CBX8: variants seen among roughly 807,000 people sequenced by gnomAD.
The protein encoded by CBX8 is chromobox protein homolog 8.
A neutral mutation model predicts 39.7 loss-of-function variants in CBX8; 8 were observed. That is an observed-to-expected ratio of 0.20 (90% CI 0.12 to 0.36). CBX8 has a LOEUF of 0.36. Ranked by LOEUF, CBX8 falls within the 10% of genes least tolerant of loss-of-function variation. The pLI is 1.00. For missense variants in CBX8, 505 were observed against 529.6 expected, an observed-to-expected ratio of 0.95 and a Z score of 0.46; for synonymous variants, 268 against 219.8, an observed-to-expected ratio of 1.22 and a Z score of -1.94.
Position 79,794,704 on chromosome 17 carries a change from G to A in CBX8, c.1101C>T (p.Thr367=). 1 of 1,601,444 alleles carries A rather than the reference G, an allele frequency of 6.2e-7. No individual in the cohort carries two copies. Among genetic ancestry groups the A allele is most frequent in the East Asian group, 2.2e-5 (1 of 44,844 alleles). ...NLEKVVVTDV[T]SNFLTVTIKE... ...TAATGGTGACGGTCAAAAAGTTTGA[G>A]GTCACGTCCGTGACCACCACCTTCT... is the stretch of plus-strand genomic sequence containing the variant. The change falls in exon 5 of 5, where the codon ACC becomes ACT. Residue 367 remains threonine, a synonymous_variant. Transcript: ENST00000269385.
Position 79,794,455 on chromosome 17 carries a change from T to C in CBX8, c.*180A>G, listed in dbSNP as rs1369672745. The C allele has an allele frequency of 4.1e-6, 2 of 489,584 alleles. No individual in the cohort carries two copies. Among genetic ancestry groups the C allele is most frequent in the Non-Finnish European group, 7.3e-6 (2 of 274,256 alleles). 30.3% of individuals were successfully genotyped at this position (489,584 alleles called of 1,614,324 possible). A position where few individuals can be genotyped will look rare whatever the true frequency, so the allele number is the denominator to read the frequency against. On this transcript the variant is annotated 3_prime_UTR_variant, in exon 5 of 5. Coordinates refer to ENST00000269385, the MANE Select transcript of CBX8 (RefSeq NM_020649.3). ...CTAATAGAAAATATAACTCTAGAGA[T>C]AATCTTTCCAACAAAAACTGAGGGG...
In CBX8 at chr17:79,795,054, C is replaced by T. The variant is rs777990002; in HGVS notation, c.751G>A (p.Ala251Thr). The T allele has an allele frequency of 3.1e-6, 5 of 1,607,632 alleles. No individual in the cohort carries two copies. The highest frequency in any genetic ancestry group is 3.4e-6 in the Non-Finnish European group (4 of 1,176,872). ...ACCAGGTCCGAGTCCTGTCTTCGGG[C>T]CAGCTGGATCACACTGTGGCCGGCT... is the stretch of plus-strand genomic sequence containing the variant. ...FPAGHSVIQL[A>T]RRQDSDLVQC... The change falls in exon 5 of 5, where the codon GCC becomes ACC. Residue 251 changes from alanine to threonine, a missense_variant. Around this residue, in one of 3 missense-constraint regions of CBX8, gnomAD observed 456 missense variants for 389.2 expected, o/e 1.17. Coordinates refer to ENST00000269385, the MANE Select transcript of CBX8 (RefSeq NM_020649.3). The surrounding 1 kb of genome is among the most constrained non-coding windows in gnomAD (Gnocchi z 5.8).
At position 79,794,851 on chromosome 17, in the gene CBX8, C is replaced by A. The variant is rs530952829; in HGVS notation, c.954G>T (p.Gly318=). 1.9e-6 allele frequency: 3 copies of A among 1,608,692 alleles called. No homozygotes were observed. The highest frequency in any genetic ancestry group is 3.4e-5 in the Admixed American group (2 of 58,988). The stretch of plus-strand genomic sequence containing the variant: ...GGGCCCCCATGTCCCGGTACAGGCC[C>A]CCCCCAGAGCTGGGGGGGCCTGAGC... The part of the protein sequence containing the change: ...RHGSGPPSSG[G]GLYRDMGAQG... Residue 318 remains glycine (G), a synonymous_variant, in exon 5 of 5, where the codon GGG becomes GGT. Coordinates refer to ENST00000269385, the MANE Select transcript of CBX8 (RefSeq NM_020649.3).
In CBX8 at chr17:79,796,616, T is replaced by C. The variant is rs368183779; in HGVS notation, c.70-76A>G. 29 of 1,514,460 alleles carry C rather than the reference T, an allele frequency of 1.9e-5. No individual in the cohort carries two copies. In the African/African-American group the frequency reaches 3.7e-4, roughly 19 times the overall value. 93.8% of individuals were successfully genotyped at this position (1,514,460 alleles called of 1,614,324 possible). A position where few individuals can be genotyped will look rare whatever the true frequency, so the allele number is the denominator to read the frequency against. ...AGGATACAAGAAATGCATGCGAAAA[T>C]GCATGCACCAGATGAATGCTCGAAA... On this transcript the variant is annotated intron_variant, in intron 1 of 4. Transcript: ENST00000269385.
Position 79,795,881 on chromosome 17 carries a change from C to A in CBX8, c.246+176G>T, listed in dbSNP as rs1293732916. Among the ~76,000 whole-genome samples, 3 of 152,108 alleles carry A rather than the reference C, an allele frequency of 2.0e-5. No homozygotes were observed. The highest frequency in any genetic ancestry group is 6.5e-5 in the Admixed American group (1 of 15,276). ...GGAATTCTAGTGTGGCCAAGCCCGT[C>A]CCCCCAGACACAGTTGGTGCTGCTA... On this transcript the variant is annotated intron_variant, in intron 4 of 4. Transcript: ENST00000269385. The surrounding 1 kb of genome is among the most constrained non-coding windows in gnomAD (Gnocchi z 5.8).
At position 79,793,850 on chromosome 17, in the gene CBX8, G is replaced by A. The variant is rs898265670; in HGVS notation, c.*785C>T. The A allele has an allele frequency of 2.6e-5, 4 of 152,048 alleles. No homozygotes were observed. Among genetic ancestry groups the A allele is most frequent in the Admixed American group, 1.3e-4 (2 of 15,270 alleles). 9.4% of individuals were successfully genotyped at this position (152,048 alleles called of 1,614,324 possible). On this transcript the variant is annotated 3_prime_UTR_variant, in exon 5 of 5. Coordinates refer to ENST00000269385, the MANE Select transcript of CBX8 (RefSeq NM_020649.3). Reference sequence around the variant, plus strand: ...GGAGTAAGGAAAGGAACGAGGGAACGGGGAGATTTTATCCACATGACATAC... The same window carrying A: ...GGAGTAAGGAAAGGAACGAGGGAACAGGGAGATTTTATCCACATGACATAC...
chr17:79,794,975 A>G lies in CBX8; in HGVS notation c.830T>C (p.Val277Ala). 1 of 1,605,402 alleles carries G rather than the reference A, an allele frequency of 6.2e-7. No individual in the cohort carries two copies. Among genetic ancestry groups the G allele is most frequent in the Non-Finnish European group, 8.5e-7 (1 of 1,175,362 alleles). Residue 277 changes from valine to alanine, a missense_variant, in exon 5 of 5, where the codon GTG (valine) becomes GCG (alanine). Val to Ala is a moderately conservative substitution (Grantham distance 64). Around this residue, in one of 3 missense-constraint regions of CBX8, gnomAD observed 456 missense variants for 389.2 expected, o/e 1.17. Transcript: ENST00000269385. Reference sequence around the variant, plus strand: ...TATCACCCTGGCCGGGAAGGTGTCCACAGCCAGTTTGCCCGTGGCCTCAGC... The same window carrying G: ...TATCACCCTGGCCGGGAAGGTGTCCGCAGCCAGTTTGCCCGTGGCCTCAGC... ...SSAEATGKLA[V>A]DTFPARVIKH...
Position 79,795,321 on chromosome 17 carries a change from G to T in CBX8, c.484C>A (p.Arg162=), listed in dbSNP as rs1478271889. ...CTCTCTCGCTCCCTCTCCCTTTCTC[G>T]ATCCCGCTCCCGGTCCCTATCCCGG... ...RDRDRDRERD[R]ERERERERER... The change falls in exon 5 of 5, where the codon CGA becomes AGA. Residue 162 remains arginine, a synonymous_variant. Transcript: ENST00000269385. This position sits in a 1 kb window ranked among gnomAD's most constrained non-coding sequence, Gnocchi z 5.8. 1 of 1,585,232 alleles carries T rather than the reference G, an allele frequency of 6.3e-7. No homozygotes were observed. The highest frequency in any genetic ancestry group is 8.6e-7 in the Non-Finnish European group (1 of 1,165,416).
rs147538157 is a variant in CBX8 at position 79,795,185 on chromosome 17, A to T, written c.620T>A (p.Leu207His). 7 of 1,613,268 alleles carry T rather than the reference A, an allele frequency of 4.3e-6. No individual in the cohort carries two copies. Among genetic ancestry groups the T allele is most frequent in the Non-Finnish European group, 5.9e-6 (7 of 1,179,848 alleles). ...TAAGGGCCTCTGTGAGGGGTCCGGG[A>T]GCTCCTTCCGGGGCTTGGGGCCTCG... ...KKRGPKPRKE[L>H]PDPSQRPLGE... The change falls in exon 5 of 5, where the codon CTC (leucine) becomes CAC (histidine). Residue 207 changes from leucine to histidine, a missense_variant. Physicochemically the swap from Leu to His is moderately conservative, Grantham distance 99. This residue lies in a region of CBX8 where 456 missense variants were observed against 389.2 expected (regional missense o/e 1.17). Transcript: ENST00000269385. This position sits in a 1 kb window ranked among gnomAD's most constrained non-coding sequence, Gnocchi z 5.8.
Position 79,793,809 on chromosome 17 carries a change from T to A in CBX8, c.*826A>T, listed in dbSNP as rs1266336985. ...CGGGAATGTAAACAGATTCGCTGGA[T>A]TTCTTTTCTTTCTGCGGAGTAAGGA... On this transcript the variant is annotated 3_prime_UTR_variant, in exon 5 of 5. Coordinates refer to ENST00000269385, the MANE Select transcript of CBX8 (RefSeq NM_020649.3). The A allele has an allele frequency of 6.6e-6, 1 of 152,254 alleles. No individual in the cohort carries two copies. Among genetic ancestry groups the A allele is most frequent in the Admixed American group, 6.5e-5 (1 of 15,290 alleles). 9.4% of individuals were successfully genotyped at this position (152,254 alleles called of 1,614,324 possible).
At position 79,796,502 on chromosome 17, in the gene CBX8, C is replaced by G. The variant is rs1165655836; in HGVS notation, c.108G>C (p.Ser36=). Reference sequence around the variant, plus strand: ...ATTGCATATAACCTACTTACTTCTGCGACCATCCCTTCCATTTCACGAGGT... The same window carrying G: ...ATTGCATATAACCTACTTACTTCTGGGACCATCCCTTCCATTTCACGAGGT... ...MEYLVKWKGW[S]QKYSTWEPEE... is the part of the protein sequence containing the mutation. The change falls in exon 2 of 5, where the codon TCG becomes TCC. Residue 36 remains serine, a synonymous_variant. Transcript: ENST00000269385. The G allele has an allele frequency of 6.2e-7, 1 of 1,614,182 alleles. No homozygotes were observed. The highest frequency in any genetic ancestry group is 1.7e-5 in the Admixed American group (1 of 60,028).
intron 2 of CBX8, 76 bp from the exon 3 acceptor site, chr17:79,796,391 C>G: frequency 6.4e-7 from 1 of 1,551,570 alleles, no homozygotes; most frequent in South Asian, 1.1e-5. Context: ...GTGTGTGTAA[C>G]TTTTCTCATT....
At chr17:79,796,449 C>A (rs1235774668) in intron 2 of CBX8, 48 bp downstream of exon 2, 16 of 1,612,224 alleles carry the variant, frequency 9.9e-6, no homozygotes, top group Admixed American at 8.3e-5. Context: ...AAGAAAGAAA[C>A]CTCCCGAATA....
In CBX8 at chr17:79,795,073, G is replaced by A; in HGVS notation, c.732C>T (p.Gly244=). The A allele has an allele frequency of 6.2e-7, 1 of 1,609,500 alleles. No homozygotes were observed. Among genetic ancestry groups the A allele is most frequent in the Non-Finnish European group, 8.5e-7 (1 of 1,177,954 alleles). The change falls in exon 5 of 5, where the codon GGC becomes GGT. Residue 244 remains glycine, a synonymous_variant. Coordinates refer to ENST00000269385, the MANE Select transcript of CBX8 (RefSeq NM_020649.3). The surrounding 1 kb of genome is among the most constrained non-coding windows in gnomAD (Gnocchi z 5.8). ...TTCGGGCCAGCTGGATCACACTGTG[G>A]CCGGCTGGAAACTTTCCTGCCCCGG... ...TPSGAGKFPA[G]HSVIQLARRQ... is the part of the protein sequence containing the mutation.
In CBX8 at chr17:79,794,091, CCCT is replaced by C. The variant is rs1598234474; in HGVS notation, c.*541_*543del. On this transcript the variant is annotated 3_prime_UTR_variant, in exon 5 of 5. Transcript: ENST00000269385. ...AAGGAAAACAGACTGACCCCACCCC[CCCT>C]TTTTTCTGATTGGGGAGCCAACCTT... 1.3e-5 allele frequency: 2 copies of C among 152,248 alleles called. No homozygotes were observed. Among genetic ancestry groups the C allele is most frequent in the East Asian group, 3.9e-4 (2 of 5,184 alleles). 9.4% of individuals were successfully genotyped at this position (152,248 alleles called of 1,614,324 possible). A position where few individuals can be genotyped will look rare whatever the true frequency, so the allele number is the denominator to read the frequency against.
Position 79,795,133 on chromosome 17 carries a change from C to G in CBX8, c.672G>C (p.Glu224Asp), listed in dbSNP as rs1481876157. ...CGTCCAGCTTCCTGCCCTTGAGGTA[C>G]TCTCCGAGGCCGGCGCTGGGTTCGC... ...PLGEPSAGLG[E>D]YLKGRKLDDT... Residue 224 changes from glutamate (E) to aspartate (D), a missense_variant, in exon 5 of 5, where the codon GAG becomes GAC. Around this residue, in one of 3 missense-constraint regions of CBX8, gnomAD observed 456 missense variants for 389.2 expected, o/e 1.17. Coordinates refer to ENST00000269385, the MANE Select transcript of CBX8 (RefSeq NM_020649.3). The surrounding 1 kb of genome is among the most constrained non-coding windows in gnomAD (Gnocchi z 5.8). 6.2e-7 allele frequency: 1 copy of G among 1,613,648 alleles called. No individual in the cohort carries two copies. Among genetic ancestry groups the G allele is most frequent in the Non-Finnish European group, 8.5e-7 (1 of 1,179,876 alleles).
At position 79,795,322 on chromosome 17, in the gene CBX8, A is replaced by C; in HGVS notation, c.483T>G (p.Asp161Glu). The change falls in exon 5 of 5, where the codon GAT becomes GAG. Residue 161 changes from aspartate to glutamate, a missense_variant. By Grantham distance (45) the Asp-to-Glu change is conservative. Around this residue, in one of 3 missense-constraint regions of CBX8, gnomAD observed 456 missense variants for 389.2 expected, o/e 1.17. Transcript: ENST00000269385. The surrounding 1 kb of genome is among the most constrained non-coding windows in gnomAD (Gnocchi z 5.8). ...TCTCTCGCTCCCTCTCCCTTTCTCG[A>C]TCCCGCTCCCGGTCCCTATCCCGGT... ...DRDRDRDRER[D>E]RERERERERE... is the part of the protein sequence containing the mutation. 6.3e-7 allele frequency: 1 copy of C among 1,580,830 alleles called. No homozygotes were observed. The highest frequency in any genetic ancestry group is 8.6e-7 in the Non-Finnish European group (1 of 1,162,274).
intron 2 of CBX8, 53 bp from the exon 3 acceptor site, chr17:79,796,368 A>T: frequency 6.3e-7 from 1 of 1,595,664 alleles, no homozygotes; most frequent in Non-Finnish European, 8.6e-7. Flanking sequence ...GGGTGAGAGC[A>T]GAGGGGGTGT....
chr17:79,796,854 T>G, intron 1 of CBX8, 76 bp downstream of exon 1: 1 of 1,355,414 alleles, frequency 7.4e-7, no homozygotes, highest in Non-Finnish European at 1.0e-6. Context: ...GAAGCTGGGC[T>G]GCAGCAGGGG....
Sources: gnomAD v4.1 joint callset for allele counts (sites outside exome capture counted in the v4.1 genomes callset) on GRCh38, gnomAD v4.1.1 for gene constraint, gnomAD v4.1.1 regional missense constraint, Gnocchi (gnomAD v3.1) non-coding constraint, MANE v1.5 for transcripts, NCBI Gene and HGNC (gene_info 2026-07-23, HGNC 2026-07-21) for gene names.